Variants in TMEM178B observed in about 807,000 individuals in gnomAD.
TMEM178B encodes transmembrane protein 178B.
TMEM178B carries 5 observed loss-of-function variants against 31.0 expected under a neutral mutation model. That is an observed-to-expected ratio of 0.16 (90% CI 0.08 to 0.34). The LOEUF (loss-of-function observed/expected upper bound fraction) is 0.34. Among genes scored for constraint, TMEM178B ranks in the 10% least tolerant of loss-of-function variants. The pLI, the probability that TMEM178B is intolerant of heterozygous loss-of-function variation, is 1.00. For synonymous variants in TMEM178B, 164 were observed against 164.0 expected, an observed-to-expected ratio of 1.00 and a Z score of 0.00; for missense variants, 275 against 400.3, an observed-to-expected ratio of 0.69 and a Z score of 2.67.
intron 2 of TMEM178B, among the ~76,000 whole-genome samples, chr7:141,217,884 C>G (rs1797185549): frequency 6.6e-6 from 1 of 152,126 alleles, no homozygotes. Context: ...CTCTACTTTC[C>G]TGCAATCAGA....
chr7:141,141,056 A>G lies in TMEM178B; in HGVS notation c.382+66364A>G, dbSNP rs145491878. ...CACTTCCCCTCCTTTAGGATGCAGT[A>G]TCTATATAAATTGTTTGGTATTTTT... On this transcript the variant is annotated intron_variant, in intron 1 of 3. Coordinates refer to ENST00000565468, the MANE Select transcript of TMEM178B (RefSeq NM_001195278.2). Among the ~76,000 whole-genome samples, 79 of 152,304 alleles carry G rather than the reference A, an allele frequency of 5.2e-4. 1 individual carries two copies. The highest frequency in any genetic ancestry group is 8.8e-4 in the Non-Finnish European group (60 of 68,024).
intron 2 of TMEM178B, among the ~76,000 whole-genome samples, chr7:141,374,990 G>A (rs371933081): frequency 9.9e-5 from 15 of 152,040 alleles, no homozygotes; most frequent in East Asian, 9.6e-4. Flanking sequence ...CCCATGGCTG[G>A]GATTTGAGAG....
chr7:141,277,032 T>G (rs1446233338), intron 2 of TMEM178B, among the ~76,000 whole-genome samples: 2 of 152,132 alleles, frequency 1.3e-5, no homozygotes, highest in Admixed American at 6.5e-5. Flanking sequence ...AGTGAGTGAG[T>G]GGTGAGTGAA....
intron 3 of TMEM178B, among the ~76,000 whole-genome samples, chr7:141,466,092 A>G (rs1168453612): frequency 6.6e-6 from 1 of 152,216 alleles, no homozygotes; most frequent in East Asian, 1.9e-4. Context: ...ATGGAAATTA[A>G]TCAAACCTCT....
chr7:141,307,113 C>T (rs536205595), intron 2 of TMEM178B, among the ~76,000 whole-genome samples: 302 of 152,160 alleles, frequency 2.0e-3, no homozygotes, highest in African/African-American at 7.0e-3. Context: ...ACATATTTTT[C>T]CTTTCAGATA....
intron 1 of TMEM178B, among the ~76,000 whole-genome samples, chr7:141,090,650 T>C (rs1310876298): frequency 6.6e-6 from 1 of 152,236 alleles, no homozygotes; most frequent in Non-Finnish European, 1.5e-5. Flanking sequence ...TGGGAAAACA[T>C]GGTGGGTATC....
At chr7:141,128,858 C>T (rs902561920) in intron 1 of TMEM178B, among the ~76,000 whole-genome samples, 1 of 151,950 alleles carries the variant, frequency 6.6e-6, no homozygotes, top group Non-Finnish European at 1.5e-5. Flanking sequence ...AGGAGCCTTC[C>T]AGGATGTTTG....
the TMEM178B span, among the ~76,000 whole-genome samples, chr7:141,485,693 C>T: frequency 9.2e-5 from 14 of 152,152 alleles, no homozygotes; most frequent in African/African-American, 2.4e-4. Context: ...ACTTTGAACT[C>T]GATGATGGTG....
chr7:141,364,821 G>T (rs1366735539), intron 2 of TMEM178B, among the ~76,000 whole-genome samples: 3 of 152,154 alleles, frequency 2.0e-5, no homozygotes, highest in Non-Finnish European at 2.9e-5. Flanking sequence ...CCTCTGCGTG[G>T]GGCAATAGGG....
chr7:141,489,814 C>A, the TMEM178B span, among the ~76,000 whole-genome samples: 8 of 152,258 alleles, frequency 5.3e-5, no homozygotes, highest in South Asian at 2.1e-4. Context: ...TGCTTTCGTA[C>A]AAAATAGACT....
intron 3 of TMEM178B, among the ~76,000 whole-genome samples, chr7:141,464,520 G>A (rs1035581743): frequency 6.6e-6 from 1 of 152,212 alleles, no homozygotes; most frequent in South Asian, 2.1e-4. Flanking sequence ...TCTCTGCCTA[G>A]AGTATAAGCT....
At chr7:141,504,744 A>G in the TMEM178B span, among the ~76,000 whole-genome samples, 1 of 152,220 alleles carries the variant, frequency 6.6e-6, no homozygotes, top group Non-Finnish European at 1.5e-5. Context: ...GGTTATGTGG[A>G]TGAATTGTAT....
chr7:141,487,891 G>A, the TMEM178B span, among the ~76,000 whole-genome samples: 41 of 151,958 alleles, frequency 2.7e-4, no homozygotes, highest in South Asian at 1.9e-3. Context: ...CTTGTTCTGC[G>A]TGCTCCTTCC....
chr7:141,207,709 A>T (rs1796988348), intron 1 of TMEM178B, among the ~76,000 whole-genome samples: 1 of 152,138 alleles, frequency 6.6e-6, no homozygotes, highest in Non-Finnish European at 1.5e-5. Flanking sequence ...TGACCCTGAC[A>T]TATGGGCAGG....
chr7:141,257,149 T>C lies in TMEM178B; in HGVS notation c.496+44445T>C, dbSNP rs143806268. Among the ~76,000 whole-genome samples the C allele has an allele frequency of 8.8e-4, 134 of 152,180 alleles. 1 individual carries two copies. The highest frequency in any genetic ancestry group is 3.4e-3 in the Middle Eastern group (1 of 294). On this transcript the variant is annotated intron_variant, in intron 2 of 3. Transcript: ENST00000565468. ...GTGATGTGGAAGGAAACCCAAGAGATTGATGTTGCAGAAGCAGGTAAATAA... is the reference window on the plus strand; with the variant it reads ...GTGATGTGGAAGGAAACCCAAGAGACTGATGTTGCAGAAGCAGGTAAATAA...
At chr7:141,403,170 A>G (rs1411787302) in intron 2 of TMEM178B, among the ~76,000 whole-genome samples, 1 of 152,156 alleles carries the variant, frequency 6.6e-6, no homozygotes, top group African/African-American at 2.4e-5. Flanking sequence ...TGGCCTTCCT[A>G]CAGGCTCTCC....
chr7:141,312,959 C>G (rs549645451), intron 2 of TMEM178B, among the ~76,000 whole-genome samples: 1 of 152,140 alleles, frequency 6.6e-6, no homozygotes, highest in Non-Finnish European at 1.5e-5. Context: ...CAAATTTAGG[C>G]CAGTTACATC....
chr7:141,399,099 A>G (rs1800708188), intron 2 of TMEM178B, among the ~76,000 whole-genome samples: 1 of 152,238 alleles, frequency 6.6e-6, no homozygotes, highest in Non-Finnish European at 1.5e-5. Flanking sequence ...GAAAGATTTC[A>G]TATCAATGCT....
chr7:141,372,380 C>T (rs1313350952), intron 2 of TMEM178B, among the ~76,000 whole-genome samples: 1 of 152,206 alleles, frequency 6.6e-6, no homozygotes. Flanking sequence ...CGCTCTTGCT[C>T]AGGACCTTGG....
Sources: gnomAD v4.1 joint callset for allele counts (sites outside exome capture counted in the v4.1 genomes callset) on GRCh38, gnomAD v4.1.1 for gene constraint, MANE v1.5 for transcripts, NCBI Gene and HGNC (gene_info 2026-07-23, HGNC 2026-07-21) for gene names.